FAM222B: variants seen among roughly 807,000 people sequenced by gnomAD.
FAM222B encodes family with sequence similarity 222 member B, also known as protein FAM222B.
FAM222B carries 12 observed loss-of-function variants against 38.0 expected under a neutral mutation model. The observed-to-expected ratio is 0.32, with a 90% CI of 0.20 to 0.51. The LOEUF is 0.51. FAM222B is among the 20% of genes least tolerant of loss of function. The probability of loss-of-function intolerance (pLI) is 0.97; values close to 1 mark genes in which losing one functional copy is unlikely to be tolerated. For synonymous variants in FAM222B, 329 were observed against 317.2 expected, an observed-to-expected ratio of 1.04 and a Z score of -0.40; for missense variants, 716 against 754.2, an observed-to-expected ratio of 0.95 and a Z score of 0.59.
At chr17:28,768,652 C>T (rs1395595882) in intron 1 of FAM222B, among the ~76,000 whole-genome samples, 1 of 151,888 alleles carries the variant, frequency 6.6e-6, no homozygotes, top group Admixed American at 6.6e-5. Context: ...GCGTGGCCAA[C>T]GTGGTGAAAC....
At chr17:28,791,675 A>ATTTTTTTTTTTTTTTTTTTTTT (rs869183871) in intron 1 of FAM222B, among the ~76,000 whole-genome samples, 1 of 116,852 alleles carries the variant, frequency 8.6e-6, no homozygotes. Context: ...GAGCCCAGGA[A>ATTTTTTTTTTTTTTTTTTTTTT]TTTTTTTTTT....
rs1383663838 is a variant in FAM222B at position 28,757,373 on chromosome 17, T to C, written c.*897A>G. ...CTTAGCCAGTGTAGAGAGAACCAAA[T>C]GCATTTTTTTTTTTTTGGTGTTTTT... On this transcript the variant is annotated 3_prime_UTR_variant, in exon 3 of 3. Transcript: ENST00000581407. 6.9e-6 allele frequency: 1 copy of C among 145,356 alleles called. No homozygotes were observed. Among genetic ancestry groups the C allele is most frequent in the Non-Finnish European group, 1.5e-5 (1 of 65,410 alleles). The allele number at this position is 145,356 out of a possible 1,614,324, so 9.0% of individuals were successfully genotyped here. A position where few individuals can be genotyped will look rare whatever the true frequency, so the allele number is the denominator to read the frequency against.
At chr17:28,830,998 T>G (rs11649930) in intron 1 of FAM222B, among the ~76,000 whole-genome samples, 695 of 39,062 alleles carry the variant, frequency 0.018, 12 homozygotes, top group Admixed American at 0.082. Context: ...TTCTTTTTTT[T>G]TTTTTTTTTT....
At position 28,768,839 on chromosome 17, in the gene FAM222B, A is replaced by C. The variant is rs1211857705; in HGVS notation, c.-40-2132T>G. 8.9e-5 allele frequency among the ~76,000 whole-genome samples: 13 copies of C among 146,186 alleles called. No individual in the cohort carries two copies. The South Asian group carries it at 2.4e-3, about 26-fold the overall frequency. On this transcript the variant is annotated intron_variant, in intron 1 of 2. Coordinates refer to ENST00000581407, the MANE Select transcript of FAM222B (RefSeq NM_001077498.3). The stretch of plus-strand genomic sequence containing the variant: ...CCACAAGAGTAAAACTCTGTCTCAA[A>C]AAAAAAAAAAAAAAAAAAAAAGAGA...
intron 1 of FAM222B, among the ~76,000 whole-genome samples, chr17:28,794,078 G>T (rs193156818): frequency 1.1e-3 from 163 of 152,078 alleles, no homozygotes; most frequent in Non-Finnish European, 2.0e-3. Context: ...CCAAGCCCAT[G>T]AAGATATCCA....
chr17:28,788,068 C>T (rs1264164094), intron 1 of FAM222B, among the ~76,000 whole-genome samples: 2 of 152,170 alleles, frequency 1.3e-5, no homozygotes, highest in Non-Finnish European at 2.9e-5. Context: ...AGGTGATCCG[C>T]CCGCCTCGGC....
chr17:28,798,511 AC>A lies in FAM222B; in HGVS notation c.-40-31805del, dbSNP rs560310761. Among the ~76,000 whole-genome samples, 311 of 152,322 alleles carry A rather than the reference AC, an allele frequency of 2.0e-3. 3 individuals carry two copies. The highest frequency in any genetic ancestry group is 7.1e-3 in the African/African-American group (295 of 41,576). ...AGAAACTACAGTTTCTCCATGGTTT[AC>A]CTGTTAGTTTCAGTGCAAGACAGCA... On this transcript the variant is annotated intron_variant, in intron 1 of 2. Transcript: ENST00000581407.
chr17:28,783,068 G>A (rs764823905), intron 1 of FAM222B, among the ~76,000 whole-genome samples: 3 of 151,546 alleles, frequency 2.0e-5, no homozygotes, highest in Non-Finnish European at 4.4e-5. Context: ...AACCCAGGAG[G>A]CGGAGCTTGC....
intron 1 of FAM222B, among the ~76,000 whole-genome samples, chr17:28,810,492 A>T (rs534447335): frequency 6.6e-6 from 1 of 151,278 alleles, no homozygotes; most frequent in Non-Finnish European, 1.5e-5. Context: ...TTTGTTTTAT[A>T]TACTAGCTAA....
At chr17:28,827,224 G>C (rs2038474521) in intron 1 of FAM222B, among the ~76,000 whole-genome samples, 12 of 151,996 alleles carry the variant, frequency 7.9e-5, no homozygotes, top group Admixed American at 7.9e-4. Flanking sequence ...TTGCACGCTG[G>C]CTTGCATCTG....
chr17:28,760,756 C>A (rs1336856857), intron 2 of FAM222B, among the ~76,000 whole-genome samples: 1 of 152,134 alleles, frequency 6.6e-6, no homozygotes, highest in Non-Finnish European at 1.5e-5. Flanking sequence ...ATCAGCTTTC[C>A]CTTGCATCTT....
At position 28,772,549 on chromosome 17, in the gene FAM222B, C is replaced by G. The variant is rs578185345; in HGVS notation, c.-40-5842G>C. Among the ~76,000 whole-genome samples, 68 of 144,728 alleles carry G rather than the reference C, an allele frequency of 4.7e-4. 1 individual carries two copies. Among genetic ancestry groups the G allele is most frequent in the Non-Finnish European group, 4.4e-4 (29 of 65,908 alleles). 94.9% of individuals were successfully genotyped at this position (144,728 alleles called of 152,430 possible). ...ACCATCCTGGCTAACACAGTGAAACCCCATCTCTACTAAAAAAAAAATACA... is the reference window on the plus strand; with the variant it reads ...ACCATCCTGGCTAACACAGTGAAACGCCATCTCTACTAAAAAAAAAATACA... On this transcript the variant is annotated intron_variant, in intron 1 of 2. Coordinates refer to ENST00000581407, the MANE Select transcript of FAM222B (RefSeq NM_001077498.3).
At chr17:28,849,480 C>CCTTA in intron 1 of FAM222B, 3 of 152,566 alleles carry the variant, frequency 2.0e-5, no homozygotes, top group Non-Finnish European at 4.4e-5. Context: ...ATTTTGGTAC[C>CCTTA]ACTTAAGGGT....
At chr17:28,766,550 G>GA (rs1411478278) in intron 2 of FAM222B, 36 bp downstream of exon 2, 50 of 1,541,076 alleles carry the variant, frequency 3.2e-5, no homozygotes, top group Non-Finnish European at 3.8e-5. Context: ...CAAAAACAAA[G>GA]AATCACACAT....
intron 2 of FAM222B, among the ~76,000 whole-genome samples, chr17:28,764,350 G>C (rs577831602): frequency 4.1e-4 from 63 of 152,112 alleles, no homozygotes; most frequent in African/African-American, 1.4e-3. Context: ...ACTGAGGCGG[G>C]AGAATCACTT....
At chr17:28,834,219 C>T (rs148967333) in intron 1 of FAM222B, 11 of 152,172 alleles carry the variant, frequency 7.2e-5, no homozygotes, top group African/African-American at 2.4e-4. Flanking sequence ...ATCAATTGTG[C>T]CTTTTAAAGT....
rs571518815 is a variant in FAM222B, at chr17:28,813,825, C to T, written c.-41+28857G>A. ...CCTTCCAAAGTGCTGGTATTACAGG[C>T]GTCAGCCACCGCGCCCGGCATGGAA... On this transcript the variant is annotated intron_variant, in intron 1 of 2. Coordinates refer to ENST00000581407, the MANE Select transcript of FAM222B (RefSeq NM_001077498.3). Among the ~76,000 whole-genome samples, 520 of 151,454 alleles carry T rather than the reference C, an allele frequency of 3.4e-3. 3 individuals carry two copies. The highest frequency in any genetic ancestry group is 4.7e-3 in the Non-Finnish European group (316 of 67,892).
chr17:28,759,208 G>C lies in FAM222B; in HGVS notation c.751C>G (p.Leu251Val). ...NVTVSTSTIP[L>V]SMAATLQHSQ... The stretch of plus-strand genomic sequence containing the variant: ...TGCTGCAGAGTGGCCGCCATTGAAA[G>C]GGGGATAGTTGAGGTAGACACGGTC... The change falls in exon 3 of 3, where the codon CTT becomes GTT. Residue 251 changes from leucine (L) to valine (V), a missense_variant. Physicochemically the swap from Leu to Val is conservative, Grantham distance 32. Transcript: ENST00000581407. This position sits in a 1 kb window ranked among gnomAD's most constrained non-coding sequence, Gnocchi z 4.8. 6.2e-7 allele frequency: 1 copy of C among 1,613,646 alleles called. No homozygotes were observed. The highest frequency in any genetic ancestry group is 8.5e-7 in the Non-Finnish European group (1 of 1,179,786).
At chr17:28,795,585 A>T (rs987885933) in intron 1 of FAM222B, among the ~76,000 whole-genome samples, 18 of 152,166 alleles carry the variant, frequency 1.2e-4, no homozygotes, top group African/African-American at 4.3e-4. Context: ...GTGCCACCAC[A>T]CCCAGCTAAT....
Sources: allele counts gnomAD v4.1 joint callset (sites outside exome capture counted in the v4.1 genomes callset), GRCh38; gene constraint gnomAD v4.1.1; non-coding constraint Gnocchi (gnomAD v3.1); transcripts MANE v1.5; gene names NCBI Gene and HGNC (gene_info 2026-07-23, HGNC 2026-07-21).